The following TENM2 variants were observed in gnomAD, a reference collection of about 807,000 sequenced individuals.
TENM2 encodes teneurin transmembrane protein 2, also known as teneurin-2.
Under a neutral mutation model 245.2 loss-of-function variants are expected in TENM2, and 52 were observed. That is an observed-to-expected ratio of 0.21 (90% confidence interval 0.17 to 0.27). TENM2 has a LOEUF of 0.27. Ranked by LOEUF, TENM2 falls within the 10% of genes least tolerant of loss-of-function variation. The probability of loss-of-function intolerance (pLI) is 1.00; values close to 1 mark genes in which losing one functional copy is unlikely to be tolerated. For synonymous variants in TENM2, 1,363 were observed against 1,438.9 expected, an observed-to-expected ratio of 0.95 and a Z score of 1.19; for missense variants, 3,046 against 3,666.8, an observed-to-expected ratio of 0.83 and a Z score of 4.37.
chr5:168,041,456 C>T (rs920394629), intron 5 of TENM2, among the ~76,000 whole-genome samples: 1 of 152,176 alleles, frequency 6.6e-6, no homozygotes, highest in African/African-American at 2.4e-5. Context: ...TCACTAACTC[C>T]ACTCCCCTTC....
intron 1 of TENM2, among the ~76,000 whole-genome samples, chr5:167,322,224 T>C (rs564551406): frequency 6.6e-6 from 1 of 151,844 alleles, no homozygotes. Context: ...TTTTTTTTTT[T>C]TTGTTGCTGT....
chr5:167,049,593 T>C, the TENM2 span, among the ~76,000 whole-genome samples: 1 of 152,196 alleles, frequency 6.6e-6, no homozygotes, highest in Non-Finnish European at 1.5e-5. Context: ...AGAAAACAGT[T>C]GTGAATGATT....
intron 2 of TENM2, among the ~76,000 whole-genome samples, chr5:167,628,765 T>G (rs1219822167): frequency 6.6e-6 from 1 of 152,242 alleles, no homozygotes; most frequent in Non-Finnish European, 1.5e-5. Flanking sequence ...AGGTAATACC[T>G]GCCTTTTAAG....
intron 25 of TENM2, among the ~76,000 whole-genome samples, chr5:168,228,825 C>CT (rs1213866590): frequency 6.7e-6 from 1 of 150,292 alleles, no homozygotes; most frequent in Non-Finnish European, 1.5e-5. Context: ...CACGTGACAT[C>CT]TTTTTAAAAC....
intron 2 of TENM2, among the ~76,000 whole-genome samples, chr5:167,862,923 T>C (rs1771955138): frequency 6.6e-6 from 1 of 151,910 alleles, no homozygotes; most frequent in Non-Finnish European, 1.5e-5. Context: ...CTAGTCATCT[T>C]GACACTACTA....
At chr5:167,794,072 T>C (rs1313789439) in intron 2 of TENM2, among the ~76,000 whole-genome samples, 3 of 151,874 alleles carry the variant, frequency 2.0e-5, no homozygotes, top group Admixed American at 1.3e-4. Context: ...TCCCCAACAA[T>C]TATTATTCCT....
At chr5:167,071,096 G>A in the TENM2 span, among the ~76,000 whole-genome samples, 1 of 152,088 alleles carries the variant, frequency 6.6e-6, no homozygotes, top group Non-Finnish European at 1.5e-5. Context: ...AGGCACGCAA[G>A]CCCTGTGTGC....
chr5:167,659,038 C>T (rs1432472955), intron 2 of TENM2, among the ~76,000 whole-genome samples: 2 of 152,308 alleles, frequency 1.3e-5, no homozygotes, highest in East Asian at 3.9e-4. Context: ...GATGATTCCT[C>T]GGAGTGTTCC....
intron 2 of TENM2, among the ~76,000 whole-genome samples, chr5:167,403,276 C>T (rs1040416905): frequency 1.3e-5 from 2 of 151,206 alleles, no homozygotes; most frequent in African/African-American, 2.4e-5. Context: ...TTTTGGGATG[C>T]CAAACCAAGC....
intron 2 of TENM2, among the ~76,000 whole-genome samples, chr5:167,450,262 GGATTTTCATAAGACATGTTTT>G (rs1765496969): frequency 6.6e-6 from 1 of 152,012 alleles, no homozygotes; most frequent in South Asian, 2.1e-4. Context: ...ATTGTTCCCT[GGATTTTCATAAGACATGTTTT>G]GATAGCCCTT....
At chr5:167,168,731 T>G in the TENM2 span, among the ~76,000 whole-genome samples, 1 of 152,160 alleles carries the variant, frequency 6.6e-6, no homozygotes. Context: ...TGTTGATATT[T>G]GAAAATGATG....
At chr5:167,105,887 C>CAAAAAAAAAA in the TENM2 span, among the ~76,000 whole-genome samples, 35 of 48,834 alleles carry the variant, frequency 7.2e-4, 1 homozygote, top group Non-Finnish European at 9.4e-4. Context: ...GACTCCGTCT[C>CAAAAAAAAAA]AAAAAAAAAA....
the TENM2 span, among the ~76,000 whole-genome samples, chr5:167,244,842 G>T: frequency 6.6e-6 from 1 of 152,118 alleles, no homozygotes; most frequent in African/African-American, 2.4e-5. Context: ...GCCTAAATGA[G>T]CTGTGTTTGT....
intron 2 of TENM2, among the ~76,000 whole-genome samples, chr5:167,597,728 C>T (rs1450515488): frequency 7.7e-6 from 1 of 129,308 alleles, no homozygotes; most frequent in African/African-American, 2.5e-5. Context: ...TATCTGAATG[C>T]TATCTTACTT....
intron 5 of TENM2, among the ~76,000 whole-genome samples, chr5:168,032,464 A>C (rs1787229422): frequency 6.6e-6 from 1 of 152,286 alleles, no homozygotes; most frequent in Non-Finnish European, 1.5e-5. Flanking sequence ...GCTGGGAGAA[A>C]GGCAAGTAGG....
intron 3 of TENM2, among the ~76,000 whole-genome samples, chr5:167,929,239 C>T (rs898700992): frequency 1.5e-5 from 2 of 137,834 alleles, no homozygotes; most frequent in Non-Finnish European, 3.1e-5. Context: ...GGGAGGAAGG[C>T]AGGCAGGCAG....
At chr5:167,456,065 A>G (rs2127483778) in intron 2 of TENM2, among the ~76,000 whole-genome samples, 1 of 152,306 alleles carries the variant, frequency 6.6e-6, no homozygotes, top group South Asian at 2.1e-4. Flanking sequence ...TCTAAATTTT[A>G]GAGACAACGT....
intron 3 of TENM2, among the ~76,000 whole-genome samples, chr5:167,936,192 G>T (rs1410878023): frequency 6.6e-6 from 1 of 152,202 alleles, no homozygotes; most frequent in Admixed American, 6.5e-5. Flanking sequence ...TTATTGTGAT[G>T]AGTAATGTAG....
chr5:167,411,006 C>A (rs950418581), intron 2 of TENM2, among the ~76,000 whole-genome samples: 4 of 151,962 alleles, frequency 2.6e-5, no homozygotes, highest in African/African-American at 7.2e-5. Flanking sequence ...CCATAAAATT[C>A]TTTAAAATTA....
Sources: allele counts gnomAD v4.1 joint callset (sites outside exome capture counted in the v4.1 genomes callset), GRCh38; gene constraint gnomAD v4.1.1; transcripts MANE v1.5; gene names NCBI Gene and HGNC (gene_info 2026-07-23, HGNC 2026-07-21).